DNAJB4: variants seen among roughly 807,000 people sequenced by gnomAD.
The protein encoded by DNAJB4 is dnaJ homolog subfamily B member 4.
In DNAJB4, 10 loss-of-function variants were observed where a neutral mutation model predicts 26.6. The ratio of observed to expected loss-of-function variants is 0.38; its 90% confidence interval spans 0.23 to 0.64. The LOEUF (loss-of-function observed/expected upper bound fraction) is 0.64. Ranked by LOEUF, DNAJB4 falls within the 30% of genes least tolerant of loss-of-function variation. The pLI is 0.58. For synonymous variants in DNAJB4, 136 were observed against 134.8 expected (o/e 1.01, Z -0.06); for missense variants, 328 against 408.2 (o/e 0.80, Z 1.69).
intron 1 of DNAJB4, among the ~76,000 whole-genome samples, chr1:77,986,402 A>C (rs1011972975): frequency 1.3e-5 from 2 of 152,184 alleles, no homozygotes; most frequent in East Asian, 3.9e-4. Context: ...TATTCTCCTC[A>C]AGATGACCTC....
upstream of DNAJB4, among the ~76,000 whole-genome samples, chr1:78,001,868 T>C (rs1660202884): frequency 6.6e-6 from 1 of 152,172 alleles, no homozygotes; most frequent in Non-Finnish European, 1.5e-5. Flanking sequence ...TGTGTTTTCA[T>C]GGAATAATCT....
Position 77,982,936 on chromosome 1 carries a change from C to T in DNAJB4, c.-32+2614C>T, listed in dbSNP as rs144074597. Among the ~76,000 whole-genome samples, 397 of 152,294 alleles carry T rather than the reference C, an allele frequency of 2.6e-3. 4 individuals are homozygous for T. Among genetic ancestry groups the T allele is most frequent in the African/African-American group, 9.1e-3 (379 of 41,556 alleles). On this transcript the variant is annotated intron_variant, in intron 1 of 2. Coordinates refer to the DNAJB4 transcript ENST00000426517. Reference sequence around the variant, plus strand: ...CCCCTCCACACCTGTGGGTGTTTCTCGTAAGGTGGAACGAGAGACTTAGGA... The same window carrying T: ...CCCCTCCACACCTGTGGGTGTTTCTTGTAAGGTGGAACGAGAGACTTAGGA...
At chr1:78,012,975 T>A (rs1269822758) in intron 1 of DNAJB4, 76 bp from the exon 2 acceptor site, 5 of 1,325,798 alleles carry the variant, frequency 3.8e-6, no homozygotes, top group Non-Finnish European at 5.1e-6. Flanking sequence ...CAAAATTTAT[T>A]AGCAATACAG....
chr1:78,005,493 T>A (rs916057533), intron 1 of DNAJB4, among the ~76,000 whole-genome samples, 172 bp downstream of exon 1: 1 of 152,200 alleles, frequency 6.6e-6, no homozygotes, highest in Non-Finnish European at 1.5e-5. Flanking sequence ...AGGTTTCATC[T>A]CTGATCATAT....
At chr1:78,004,494 A>G (rs139518923), upstream of DNAJB4, 67 of 152,312 alleles carry the variant, frequency 4.4e-4, no homozygotes, top group African/African-American at 1.6e-3. Context: ...CCTAATTTAA[A>G]CAACCTGCGT....
At chr1:77,995,075 G>A (rs1203680162) in intron 1 of DNAJB4, among the ~76,000 whole-genome samples, 1 of 152,128 alleles carries the variant, frequency 6.6e-6, no homozygotes, top group Non-Finnish European at 1.5e-5. Context: ...CTACTGAAAT[G>A]TACCTATCTG....
chr1:77,989,172 C>T (rs866838579), intron 1 of DNAJB4, among the ~76,000 whole-genome samples: 4 of 152,112 alleles, frequency 2.6e-5, no homozygotes, highest in African/African-American at 7.2e-5. Context: ...TATAAATTGT[C>T]GTCGTCTACT....
chr1:78,015,688 T>C (rs1660623154), intron 2 of DNAJB4, among the ~76,000 whole-genome samples: 1 of 151,980 alleles, frequency 6.6e-6, no homozygotes, highest in Non-Finnish European at 1.5e-5. Flanking sequence ...TAGCTGGGAT[T>C]ACAGGCATGT....
At chr1:77,999,911 G>T (rs1352516165) in intron 1 of DNAJB4, among the ~76,000 whole-genome samples, 1 of 152,112 alleles carries the variant, frequency 6.6e-6, no homozygotes, top group Non-Finnish European at 1.5e-5. Context: ...AAGTAATTTG[G>T]TACGACTGAG....
At chr1:77,996,876 C>T (rs1660074256) in intron 1 of DNAJB4, among the ~76,000 whole-genome samples, 1 of 152,076 alleles carries the variant, frequency 6.6e-6, no homozygotes, top group Non-Finnish European at 1.5e-5. Context: ...CAGGATCTCC[C>T]TCTGTCACCC....
chr1:78,009,469 A>G (rs1324980944), intron 1 of DNAJB4, among the ~76,000 whole-genome samples: 1 of 152,162 alleles, frequency 6.6e-6, no homozygotes, highest in Non-Finnish European at 1.5e-5. Flanking sequence ...ATCATAGGCA[A>G]ATGTTGCTTC....
chr1:78,004,044 C>T (rs774021495), upstream of DNAJB4, among the ~76,000 whole-genome samples: 17 of 152,116 alleles, frequency 1.1e-4, no homozygotes, highest in Non-Finnish European at 2.4e-4. Flanking sequence ...CCTTAAGTGG[C>T]ATATCCAAAT....
chr1:78,015,188 C>T (rs763451193), intron 2 of DNAJB4, among the ~76,000 whole-genome samples: 1 of 152,176 alleles, frequency 6.6e-6, no homozygotes, highest in Non-Finnish European at 1.5e-5. Flanking sequence ...CCCTATAAGG[C>T]TCACCATCTA....
At position 77,998,529 on chromosome 1, in the gene DNAJB4, G is replaced by A. The variant is rs112951172; in HGVS notation, c.-31-6551G>A. Reference sequence around the variant, plus strand: ...TATTTCAGCTTGTAACGTAGATAAGGTAAGAAGTGAATCTCTTTAAAATTT... The same window carrying A: ...TATTTCAGCTTGTAACGTAGATAAGATAAGAAGTGAATCTCTTTAAAATTT... On this transcript the variant is annotated intron_variant, in intron 1 of 2. Coordinates refer to the DNAJB4 transcript ENST00000426517. Among the ~76,000 whole-genome samples, 1,104 of 152,244 alleles carry A rather than the reference G, an allele frequency of 7.3e-3. 14 individuals carry two copies. Among genetic ancestry groups the A allele is most frequent in the African/African-American group, 0.025 (1,051 of 41,550 alleles).
At chr1:77,996,232 C>T (rs1660058160) in intron 1 of DNAJB4, among the ~76,000 whole-genome samples, 1 of 151,732 alleles carries the variant, frequency 6.6e-6, no homozygotes, top group Non-Finnish European at 1.5e-5. Flanking sequence ...GGCTCACCTG[C>T]AGCCTTGACC....
At chr1:77,998,569 G>A (rs1266776351) in intron 1 of DNAJB4, among the ~76,000 whole-genome samples, 1 of 152,198 alleles carries the variant, frequency 6.6e-6, no homozygotes, top group Non-Finnish European at 1.5e-5. Context: ...GCTGAGTGCG[G>A]TGGCTCAGAC....
At chr1:77,981,602 G>A (rs748697415) in intron 1 of DNAJB4, among the ~76,000 whole-genome samples, 8 of 152,056 alleles carry the variant, frequency 5.3e-5, no homozygotes, top group African/African-American at 1.9e-4. Flanking sequence ...ATGAGCCACC[G>A]CGCCCAGCCA....
rs187413065 is a variant in DNAJB4, at chr1:77,988,605, A to G, written c.-32+8283A>G. On this transcript the variant is annotated intron_variant, in intron 1 of 2. Coordinates refer to the DNAJB4 transcript ENST00000426517. ...GCTTTGGTGTTTGATATTTCCCTCTATCCAATAAGTTCTACCATATGGATG... is the reference window on the plus strand; with the variant it reads ...GCTTTGGTGTTTGATATTTCCCTCTGTCCAATAAGTTCTACCATATGGATG... 7.6e-4 allele frequency among the ~76,000 whole-genome samples: 115 copies of G among 152,172 alleles called. 1 individual carries two copies. The highest frequency in any genetic ancestry group is 2.1e-3 in the Admixed American group (32 of 15,302).
intron 1 of DNAJB4, chr1:77,992,724 G>A (rs1180508826): frequency 6.6e-6 from 1 of 152,086 alleles, no homozygotes; most frequent in Non-Finnish European, 1.5e-5. Flanking sequence ...GCAAAAACAG[G>A]TTGACCTTTA....
Sources: allele counts gnomAD v4.1 joint callset (sites outside exome capture counted in the v4.1 genomes callset), GRCh38; gene constraint gnomAD v4.1.1; transcripts MANE v1.5; gene names NCBI Gene and HGNC (gene_info 2026-07-23, HGNC 2026-07-21).